Variants in MEGF11 observed in about 807,000 individuals in gnomAD.
MEGF11 encodes the protein multiple EGF like domains 11.
Under a neutral mutation model 146.6 loss-of-function variants are expected in MEGF11, and 126 were observed. That is an observed-to-expected ratio of 0.86 (90% confidence interval 0.74 to 1.00). The LOEUF (loss-of-function observed/expected upper bound fraction) is 1.00, where lower values mean the gene tolerates loss of function less well. Ranked by LOEUF, MEGF11 falls within the 50% of genes least tolerant of loss-of-function variation. The pLI is 0.00. For synonymous variants in MEGF11, 532 were observed against 583.4 expected, an observed-to-expected ratio of 0.91 and a Z score of 1.27; for missense variants, 1,509 against 1,521.2, an observed-to-expected ratio of 0.99 and a Z score of 0.13.
intron 5 of MEGF11, among the ~76,000 whole-genome samples, chr15:66,022,108 T>C (rs1347111013): frequency 6.6e-6 from 1 of 152,164 alleles, no homozygotes; most frequent in Non-Finnish European, 1.5e-5. Context: ...TAAAGACCCA[T>C]GCAGCGAGAA....
chr15:66,241,234 C>T (rs1266416076), intron 1 of MEGF11, among the ~76,000 whole-genome samples: 1 of 152,216 alleles, frequency 6.6e-6, no homozygotes, highest in Non-Finnish European at 1.5e-5. Context: ...GTCACAGTGT[C>T]CCCCAAGCTG....
chr15:65,977,161 C>T (rs565995014), intron 7 of MEGF11, among the ~76,000 whole-genome samples: 16 of 10,816 alleles, frequency 1.5e-3, no homozygotes, highest in South Asian at 0.014. Context: ...ATTGAGACTC[C>T]GTCTCAAAAA....
chr15:66,050,245 G>C (rs1346226061), intron 5 of MEGF11, among the ~76,000 whole-genome samples: 1 of 151,608 alleles, frequency 6.6e-6, no homozygotes, highest in Non-Finnish European at 1.5e-5. Context: ...CATTCTGGTG[G>C]AAAAGACAGA....
intron 5 of MEGF11, among the ~76,000 whole-genome samples, chr15:66,002,058 A>G (rs1181020383): frequency 1.3e-5 from 2 of 152,124 alleles, no homozygotes; most frequent in East Asian, 1.9e-4. Context: ...CACAACCCCA[A>G]GGAAGTTGTT....
intron 10 of MEGF11, among the ~76,000 whole-genome samples, chr15:65,939,772 C>T (rs1490768536): frequency 1.3e-5 from 2 of 152,168 alleles, no homozygotes; most frequent in Admixed American, 6.5e-5. Flanking sequence ...GGATTACAGG[C>T]GTGAGCCACC....
intron 1 of MEGF11, among the ~76,000 whole-genome samples, chr15:66,216,462 G>A (rs2091586564): frequency 6.6e-6 from 1 of 152,182 alleles, no homozygotes; most frequent in South Asian, 2.1e-4. Flanking sequence ...TCTCACAGCA[G>A]CACTGTGCCC....
intron 1 of MEGF11, among the ~76,000 whole-genome samples, chr15:66,203,397 T>G (rs896996807): frequency 2.6e-5 from 4 of 152,220 alleles, no homozygotes; most frequent in Admixed American, 2.6e-4. Context: ...TTTTTGTTCT[T>G]TCATTTGGAA....
At chr15:66,175,019 A>G (rs913718255) in intron 1 of MEGF11, among the ~76,000 whole-genome samples, 1 of 152,194 alleles carries the variant, frequency 6.6e-6, no homozygotes, top group Non-Finnish European at 1.5e-5. Flanking sequence ...GGTGTATAGA[A>G]ATGCTACTGA....
At chr15:65,958,585 C>T (rs1331974692) in intron 9 of MEGF11, among the ~76,000 whole-genome samples, 2 of 152,230 alleles carry the variant, frequency 1.3e-5, no homozygotes, top group Non-Finnish European at 2.9e-5. Flanking sequence ...AGCAGGGATA[C>T]TAAGGTGGGC....
intron 5 of MEGF11, among the ~76,000 whole-genome samples, chr15:66,035,876 A>C (rs950335773): frequency 2.9e-4 from 44 of 152,338 alleles, no homozygotes; most frequent in African/African-American, 1.1e-3. Context: ...ATAGTTTTGC[A>C]TGTTTTTAAG....
Position 65,909,152 on chromosome 15 carries a change from C to A in MEGF11, c.2897-17G>T, listed in dbSNP as rs1485820657. The stretch of plus-strand genomic sequence containing the variant: ...AATGGGAGTCTAGTGAGAGGAATGA[C>A]AGGGAGGAGCCATTATTCCCAGGGC... On this transcript the variant is annotated splice_polypyrimidine_tract_variant and intron_variant, in intron 22 of 25. Transcript: ENST00000395614. The A allele has an allele frequency of 1.3e-5, 19 of 1,484,442 alleles. No homozygotes were observed. The East Asian group carries it at 2.5e-4, about 19-fold the overall frequency. The allele number at this position is 1,484,442 out of a possible 1,614,324, so 92.0% of individuals were successfully genotyped here. A position where few individuals can be genotyped will look rare whatever the true frequency, so the allele number is the denominator to read the frequency against.
At chr15:66,053,048 G>C (rs1192223558) in intron 5 of MEGF11, among the ~76,000 whole-genome samples, 1 of 152,090 alleles carries the variant, frequency 6.6e-6, no homozygotes, top group East Asian at 1.9e-4. Flanking sequence ...AAGTGGACAG[G>C]TACATGGATG....
intron 1 of MEGF11, among the ~76,000 whole-genome samples, chr15:66,134,537 C>T (rs1038463273): frequency 2.0e-5 from 3 of 152,196 alleles, no homozygotes; most frequent in African/African-American, 7.2e-5. Context: ...CTATGGAGTT[C>T]TCATAACTGT....
At chr15:65,921,919 A>G (rs1303628635) in intron 15 of MEGF11, 3 of 190,500 alleles carry the variant, frequency 1.6e-5, no homozygotes, top group Non-Finnish European at 3.3e-5. Context: ...GACGGGGAGA[A>G]GGGCTTGGAA....
intron 1 of MEGF11, among the ~76,000 whole-genome samples, chr15:66,154,595 G>T (rs914584315): frequency 1.3e-5 from 2 of 152,222 alleles, no homozygotes; most frequent in African/African-American, 4.8e-5. Context: ...TACTGGGATT[G>T]TATTTATTTT....
At chr15:66,049,494 C>T (rs376277875) in intron 5 of MEGF11, among the ~76,000 whole-genome samples, 1 of 152,186 alleles carries the variant, frequency 6.6e-6, no homozygotes, top group African/African-American at 2.4e-5. Flanking sequence ...AGGCCAAGTG[C>T]CGCAGTGAGG....
At chr15:65,943,055 C>T (rs1046405529) in intron 10 of MEGF11, among the ~76,000 whole-genome samples, 4 of 131,730 alleles carry the variant, frequency 3.0e-5, no homozygotes, top group Admixed American at 8.6e-5. Flanking sequence ...GGCACAATCT[C>T]GGCTCACTGC....
At chr15:65,927,937 C>G (rs2079431649) in intron 13 of MEGF11, among the ~76,000 whole-genome samples, 1 of 152,188 alleles carries the variant, frequency 6.6e-6, no homozygotes, top group East Asian at 1.9e-4. Context: ...ACTCTGGCCA[C>G]CAGGTGCAGA....
In MEGF11 at chr15:65,965,111, C is replaced by T. The variant is rs2141563071; in HGVS notation, c.909G>A (p.Glu303=). Residue 303 remains glutamate (E), a synonymous_variant, in exon 9 of 26, where the codon GAG becomes GAA. Transcript: ENST00000395614. ...TAGYMGDRCQ[E]ECPFGSFGFQ... is the part of the protein sequence containing the mutation. The stretch of plus-strand genomic sequence containing the variant: ...AGCCGAAGGACCCGAAGGGGCACTC[C>T]TCTTGGCACCTGTGGGAGAGCAGAG... The T allele has an allele frequency of 1.3e-6, 2 of 1,588,722 alleles. No homozygotes were observed. Among genetic ancestry groups the T allele is most frequent in the Non-Finnish European group, 1.7e-6 (2 of 1,164,924 alleles).
Sources: gnomAD v4.1 joint callset for allele counts (sites outside exome capture counted in the v4.1 genomes callset) on GRCh38, gnomAD v4.1.1 for gene constraint, MANE v1.5 for transcripts, NCBI Gene and HGNC (gene_info 2026-07-23, HGNC 2026-07-21) for gene names.